Variants in ITPK1 observed in about 807,000 individuals in gnomAD.
ITPK1 encodes inositol 1,3,4-trisphosphate 5/6-kinase.
ITPK1 carries 21 observed loss-of-function variants against 45.3 expected under a neutral mutation model. That is an observed-to-expected ratio of 0.46 (90% CI 0.33 to 0.67). The LOEUF (loss-of-function observed/expected upper bound fraction) is 0.67. ITPK1 is among the 30% of genes least tolerant of loss of function. The pLI, the probability that ITPK1 is intolerant of heterozygous loss-of-function variation, is 0.02. For synonymous variants in ITPK1, 258 were observed against 253.6 expected (o/e 1.02, Z -0.16); for missense variants, 474 against 573.5 (o/e 0.83, Z 1.77).
intron 7 of ITPK1, among the ~76,000 whole-genome samples, chr14:92,961,443 T>A (rs533940840): frequency 8.1e-4 from 124 of 152,266 alleles, no homozygotes; most frequent in African/African-American, 2.8e-3. Flanking sequence ...ATAGAGTGAA[T>A]AAAAGAATGA....
At chr14:93,109,670 G>A (rs556874786) in intron 2 of ITPK1, among the ~76,000 whole-genome samples, 3 of 152,256 alleles carry the variant, frequency 2.0e-5, no homozygotes, top group Non-Finnish European at 2.9e-5. Flanking sequence ...CCTCCTGGGG[G>A]GCTGTAATAT....
chr14:93,106,450 A>AGAGGC (rs780923441), intron 2 of ITPK1, among the ~76,000 whole-genome samples: 40 of 152,302 alleles, frequency 2.6e-4, no homozygotes, highest in Non-Finnish European at 5.3e-4. Flanking sequence ...GGCTTATGGC[A>AGAGGC]GAGGCTTATA....
intron 5 of ITPK1, among the ~76,000 whole-genome samples, chr14:92,987,695 G>T (rs1314413979): frequency 1.3e-5 from 2 of 152,150 alleles, no homozygotes; most frequent in Admixed American, 6.5e-5. Context: ...CCTCTCTAAG[G>T]TTCCACACCC....
intron 9 of ITPK1, among the ~76,000 whole-genome samples, chr14:92,950,352 C>G (rs1410891301): frequency 6.6e-6 from 1 of 152,268 alleles, no homozygotes; most frequent in Non-Finnish European, 1.5e-5. Context: ...CACCTGGGAA[C>G]AGAGCTGGCT....
chr14:93,021,064 T>C (rs1888438794), intron 3 of ITPK1, among the ~76,000 whole-genome samples: 2 of 152,106 alleles, frequency 1.3e-5, no homozygotes, highest in South Asian at 2.1e-4. Flanking sequence ...CTTACTATTC[T>C]TATTATTACT....
intron 4 of ITPK1, among the ~76,000 whole-genome samples, chr14:93,005,967 C>T (rs55895989): frequency 0.27 from 41,674 of 151,974 alleles, 5,964 homozygotes; most frequent in Admixed American, 0.36. Flanking sequence ...AGGGGCTGTG[C>T]AGCGAGGAAG....
chr14:92,971,673 T>C (rs1885660819), intron 5 of ITPK1, among the ~76,000 whole-genome samples: 1 of 152,190 alleles, frequency 6.6e-6, no homozygotes. Flanking sequence ...GAAGCTGTCA[T>C]GGCAGGGAAA....
intron 8 of ITPK1, among the ~76,000 whole-genome samples, chr14:92,957,805 C>G (rs923906828): frequency 3.3e-5 from 5 of 152,222 alleles, no homozygotes; most frequent in Non-Finnish European, 7.4e-5. Flanking sequence ...GATGGCTCAG[C>G]GGGAGACAGC....
At position 92,946,432 on chromosome 14, in the gene ITPK1, C is replaced by T. The variant is rs759853041; in HGVS notation, c.800G>A (p.Arg267Gln). 4.3e-6 allele frequency: 7 copies of T among 1,613,058 alleles called. No individual in the cohort carries two copies. The highest frequency in any genetic ancestry group is 3.3e-5 in the Admixed American group (2 of 60,010). ...CACGCCCAGTGCCTGCCGCAGGGCC[C>T]GGGAGAGCTCCCGGATGACCTCGTC... ...PSDEVIRELS[R>Q]ALRQALGVSL... Residue 267 changes from arginine (R) to glutamine (Q), a missense_variant, in exon 10 of 11, where the codon CGG becomes CAG. Physicochemically the swap from Arg to Gln is conservative, Grantham distance 43. Coordinates refer to ENST00000267615, the MANE Select transcript of ITPK1 (RefSeq NM_014216.6).
chr14:93,021,315 G>A (rs558214863), intron 3 of ITPK1, among the ~76,000 whole-genome samples: 124 of 152,186 alleles, frequency 8.1e-4, no homozygotes, highest in African/African-American at 2.6e-3. Flanking sequence ...TGTTGGGGCC[G>A]GACATAGTGG....
chr14:93,051,476 C>T (rs137915214), intron 3 of ITPK1, among the ~76,000 whole-genome samples: 13 of 152,256 alleles, frequency 8.5e-5, no homozygotes, highest in African/African-American at 3.1e-4. Flanking sequence ...ACCAGGCAGG[C>T]TTGGTGGCGC....
At chr14:93,017,013 A>C (rs1888216646) in intron 3 of ITPK1, among the ~76,000 whole-genome samples, 1 of 152,144 alleles carries the variant, frequency 6.6e-6, no homozygotes, top group Non-Finnish European at 1.5e-5. Flanking sequence ...CTCTCCTGCT[A>C]ACTCCTCAAG....
chr14:92,960,175 C>T (rs539454156), intron 7 of ITPK1, among the ~76,000 whole-genome samples: 4 of 152,284 alleles, frequency 2.6e-5, no homozygotes, highest in South Asian at 2.1e-4. Context: ...CCCAGACAGC[C>T]GGCTGGGGAG....
At chr14:93,029,519 TTCA>T (rs1363873825) in intron 3 of ITPK1, among the ~76,000 whole-genome samples, 2 of 152,112 alleles carry the variant, frequency 1.3e-5, no homozygotes, top group Non-Finnish European at 1.5e-5. Flanking sequence ...CCACCCGAGC[TTCA>T]GCCCCAGGGT....
At chr14:93,010,152 A>T (rs575838598) in intron 4 of ITPK1, among the ~76,000 whole-genome samples, 1 of 151,664 alleles carries the variant, frequency 6.6e-6, no homozygotes, top group South Asian at 2.1e-4. Context: ...TCTTACTCTG[A>T]CCCCACTGGT....
At chr14:93,075,862 C>CGG (rs1555374050) in intron 3 of ITPK1, among the ~76,000 whole-genome samples, 1 of 152,010 alleles carries the variant, frequency 6.6e-6, no homozygotes, top group East Asian at 1.9e-4. Flanking sequence ...GCACAGACCA[C>CGG]AGTCACCCTC....
intron 3 of ITPK1, among the ~76,000 whole-genome samples, chr14:93,062,706 G>A (rs959824755): frequency 6.6e-6 from 1 of 152,286 alleles, no homozygotes; most frequent in Admixed American, 6.5e-5. Context: ...CGGCAGGTCT[G>A]TGCTATTTGA....
rs546919856 is a variant in ITPK1, at chr14:93,084,596, T to A, written c.96-7977A>T. Among the ~76,000 whole-genome samples the A allele has an allele frequency of 2.0e-5, 3 of 152,258 alleles. No homozygotes were observed. In the South Asian group the frequency reaches 6.2e-4, roughly 32 times the overall value. On this transcript the variant is annotated intron_variant, in intron 2 of 10. Coordinates refer to ENST00000267615, the MANE Select transcript of ITPK1 (RefSeq NM_014216.6). ...TTCGACACTACTTGTCACTGCAGCCTAACCTGGCCTATCCTGACTAACAAG... is the reference window on the plus strand; with the variant it reads ...TTCGACACTACTTGTCACTGCAGCCAAACCTGGCCTATCCTGACTAACAAG...
At chr14:93,109,008 G>C (rs1321053529) in intron 2 of ITPK1, among the ~76,000 whole-genome samples, 1 of 152,172 alleles carries the variant, frequency 6.6e-6, no homozygotes, top group Non-Finnish European at 1.5e-5. Context: ...GGGAGACTCT[G>C]TCTCACACAT....
Sources: allele counts gnomAD v4.1 joint callset (sites outside exome capture counted in the v4.1 genomes callset), GRCh38; gene constraint gnomAD v4.1.1; transcripts MANE v1.5; gene names NCBI Gene and HGNC (gene_info 2026-07-23, HGNC 2026-07-21).